TNFRSF21: variants seen among roughly 807,000 people sequenced by gnomAD.
The protein encoded by TNFRSF21 is tumor necrosis factor receptor superfamily member 21.
In TNFRSF21, 19 loss-of-function variants were observed where a neutral mutation model predicts 45.6. That is an observed-to-expected ratio of 0.42 (90% CI 0.29 to 0.61). The LOEUF is 0.61. Among genes scored for constraint, TNFRSF21 ranks in the 20% least tolerant of loss-of-function variants. The pLI, the probability that TNFRSF21 is intolerant of heterozygous loss-of-function variation, is 0.23. For missense variants in TNFRSF21, 737 were observed against 851.5 expected, an observed-to-expected ratio of 0.87 and a Z score of 1.67; for synonymous variants, 314 against 335.5, an observed-to-expected ratio of 0.94 and a Z score of 0.70.
At chr6:47,240,985 C>T (rs1001518906) in intron 4 of TNFRSF21, among the ~76,000 whole-genome samples, 1 of 152,128 alleles carries the variant, frequency 6.6e-6, no homozygotes, top group African/African-American at 2.4e-5. Context: ...TATCTCAAGC[C>T]TGTTTCCCCT....
chr6:47,291,160 G>C (rs937939802), intron 1 of TNFRSF21, among the ~76,000 whole-genome samples: 1 of 152,212 alleles, frequency 6.6e-6, no homozygotes, highest in Non-Finnish European at 1.5e-5. Flanking sequence ...CAGATCAAAA[G>C]TGTGAAGCAG....
At chr6:47,266,002 T>C (rs1239099610) in intron 3 of TNFRSF21, among the ~76,000 whole-genome samples, 1 of 152,232 alleles carries the variant, frequency 6.6e-6, no homozygotes, top group Non-Finnish European at 1.5e-5. Flanking sequence ...TTGAAGAGTT[T>C]ATTAATATTG....
chr6:47,251,144 G>A (rs1764896579), intron 4 of TNFRSF21, among the ~76,000 whole-genome samples: 1 of 152,106 alleles, frequency 6.6e-6, no homozygotes. Context: ...TACTCAACCT[G>A]TAATAAGAAC....
intron 1 of TNFRSF21, among the ~76,000 whole-genome samples, chr6:47,307,132 C>T (rs1762951600): frequency 1.3e-5 from 2 of 152,286 alleles, no homozygotes; most frequent in African/African-American, 4.8e-5. Flanking sequence ...CTACTGATTC[C>T]TGGCACACCC....
At chr6:47,306,884 C>A (rs1211197509) in intron 1 of TNFRSF21, among the ~76,000 whole-genome samples, 1 of 152,156 alleles carries the variant, frequency 6.6e-6, no homozygotes, top group African/African-American at 2.4e-5. Context: ...AACTTGCCCA[C>A]CTCCCCCAGT....
chr6:47,271,419 TC>T (rs147994851), intron 3 of TNFRSF21, among the ~76,000 whole-genome samples: 28,311 of 152,124 alleles, frequency 0.19, 2,887 homozygotes, highest in Non-Finnish European at 0.24. Flanking sequence ...AAACTAAGCT[TC>T]ATAAGTGAAG....
At chr6:47,251,358 AAAC>A (rs1190013459) in intron 4 of TNFRSF21, among the ~76,000 whole-genome samples, 3 of 152,224 alleles carry the variant, frequency 2.0e-5, no homozygotes, top group African/African-American at 4.8e-5. Flanking sequence ...CTCAAAAAAT[AAAC>A]AACAAAAAAT....
chr6:47,290,245 G>T (rs1762704155), intron 1 of TNFRSF21, among the ~76,000 whole-genome samples: 1 of 152,114 alleles, frequency 6.6e-6, no homozygotes, highest in African/African-American at 2.4e-5. Flanking sequence ...AGGGAGCGGT[G>T]GTCGGCGATG....
intron 3 of TNFRSF21, among the ~76,000 whole-genome samples, chr6:47,264,560 G>C (rs1582332213): frequency 6.6e-6 from 1 of 152,152 alleles, no homozygotes. Context: ...CTAAAGGCTA[G>C]AGAACAGTCA....
intron 3 of TNFRSF21, among the ~76,000 whole-genome samples, chr6:47,259,664 TG>T (rs1441157472): frequency 5.9e-5 from 9 of 152,160 alleles, no homozygotes; most frequent in Non-Finnish European, 1.0e-4. Flanking sequence ...TGTGAGCCAC[TG>T]TGCCCTGCCA....
At chr6:47,294,340 C>T (rs1035798764) in intron 1 of TNFRSF21, among the ~76,000 whole-genome samples, 5 of 152,206 alleles carry the variant, frequency 3.3e-5, no homozygotes, top group Non-Finnish European at 7.3e-5. Context: ...GACAGGGTTT[C>T]ACCATGTTGG....
chr6:47,284,060 G>T lies in TNFRSF21; in HGVS notation c.1121C>A (p.Ser374Ter), dbSNP rs760563288. The change falls in exon 3 of 6, where the codon TCG becomes TAG. Residue 374 changes from serine to a stop codon, truncating the protein, a stop_gained. Transcript: ENST00000296861. LOFTEE classifies it high-confidence loss of function. ...VIVVCSIRKS[S>*]RTLKKGPRQD... ...CCGGGGCCCCTTTTTCAGAGTCCTC[G>T]AGCTTTTCCGGATACTGCACACCAC... 1 of 1,614,174 alleles carries T rather than the reference G, an allele frequency of 6.2e-7. No individual in the cohort carries two copies. Among genetic ancestry groups the T allele is most frequent in the Non-Finnish European group, 8.5e-7 (1 of 1,180,046 alleles).
At chr6:47,290,342 T>C (rs1420864304) in intron 1 of TNFRSF21, among the ~76,000 whole-genome samples, 1 of 152,066 alleles carries the variant, frequency 6.6e-6, no homozygotes, top group Non-Finnish European at 1.5e-5. Context: ...ACACACACAC[T>C]CACAAGGGTG....
chr6:47,293,687 C>T (rs1404353835), intron 1 of TNFRSF21, among the ~76,000 whole-genome samples: 1 of 152,112 alleles, frequency 6.6e-6, no homozygotes, highest in Non-Finnish European at 1.5e-5. Context: ...TTCTTGACAC[C>T]CACTCCAACT....
intron 3 of TNFRSF21, among the ~76,000 whole-genome samples, chr6:47,274,779 A>G (rs1762473436): frequency 6.6e-6 from 1 of 152,352 alleles, no homozygotes. Flanking sequence ...AAAGAACTGA[A>G]ACAAATTTAC....
intron 3 of TNFRSF21, among the ~76,000 whole-genome samples, chr6:47,282,548 C>T (rs1374254012): frequency 6.6e-6 from 1 of 152,048 alleles, no homozygotes; most frequent in Admixed American, 6.6e-5. Flanking sequence ...TTTTTCTAAA[C>T]GTTTCGTTAT....
intron 1 of TNFRSF21, among the ~76,000 whole-genome samples, chr6:47,291,939 T>C (rs1762735173): frequency 6.6e-6 from 1 of 152,190 alleles, no homozygotes; most frequent in Non-Finnish European, 1.5e-5. Context: ...AGATGGCACC[T>C]GAGAAAATCC....
At chr6:47,247,937 G>C (rs1764847272) in intron 4 of TNFRSF21, among the ~76,000 whole-genome samples, 1 of 152,182 alleles carries the variant, frequency 6.6e-6, no homozygotes, top group African/African-American at 2.4e-5. Flanking sequence ...TGAAATTATA[G>C]TGTAGTTTTA....
intron 3 of TNFRSF21, 120 bp downstream of exon 3, chr6:47,283,818 T>C: frequency 1.6e-6 from 2 of 1,249,220 alleles, no homozygotes; most frequent in Non-Finnish European, 2.2e-6. Context: ...CTAGATCAAG[T>C]AGTGTTTGGT....
Sources: gnomAD v4.1 joint callset for allele counts (sites outside exome capture counted in the v4.1 genomes callset) on GRCh38, gnomAD v4.1.1 for gene constraint, MANE v1.5 for transcripts, NCBI Gene and HGNC (gene_info 2026-07-23, HGNC 2026-07-21) for gene names.